Variants in SLC25A53 observed in about 807,000 individuals in gnomAD.
SLC25A53 encodes solute carrier family 25 member 53.
Under a neutral mutation model 15.0 loss-of-function variants are expected in SLC25A53, and 5 were observed. That is an observed-to-expected ratio of 0.33 (90% CI 0.17 to 0.70). SLC25A53 has a LOEUF of 0.70. Among genes scored for constraint, SLC25A53 ranks in the 30% least tolerant of loss-of-function variants. The pLI is 0.67. For synonymous variants in SLC25A53, 95 were observed against 100.0 expected (o/e 0.95, Z 0.30); for missense variants, 216 against 241.6 (o/e 0.89, Z 0.70).
At chrX:104,147,466 A>G (rs1225894628) in intron 1 of SLC25A53, among the ~76,000 whole-genome samples, 1 of 110,015 alleles carries the variant, frequency 9.1e-6, no homozygotes, top group African/African-American at 3.3e-5. Context: ...TAATTTAACT[A>G]AAGAGCTTCT....
At chrX:104,117,510 A>AG (rs1288696376) in intron 1 of SLC25A53, among the ~76,000 whole-genome samples, 1 of 110,700 alleles carries the variant, frequency 9.0e-6, no homozygotes, top group Admixed American at 9.6e-5. Flanking sequence ...GCAGGAGTAA[A>AG]GGTCCAAGAG....
At chrX:104,122,332 CAG>C (rs1262518366) in intron 1 of SLC25A53, among the ~76,000 whole-genome samples, 1 of 78,299 alleles carries the variant, frequency 1.3e-5, no homozygotes, top group East Asian at 4.2e-4. Flanking sequence ...TTTTTTGAGA[CAG>C]AGTCTCGCTC....
intron 1 of SLC25A53, among the ~76,000 whole-genome samples, chrX:104,142,871 A>T: frequency 9.8e-6 from 1 of 102,139 alleles, no homozygotes. Flanking sequence ...CGGTGAGCCG[A>T]GATTGCACCA....
At chrX:104,126,538 T>C (rs1323674984) in intron 1 of SLC25A53, among the ~76,000 whole-genome samples, 1 of 110,484 alleles carries the variant, frequency 9.1e-6, no homozygotes, top group Admixed American at 9.6e-5. Context: ...TCTGTGGTCC[T>C]GGGTACTCAG....
intron 1 of SLC25A53, among the ~76,000 whole-genome samples, chrX:104,124,236 CTTT>C (rs1363800242): frequency 8.9e-6 from 1 of 111,875 alleles, no homozygotes; most frequent in Non-Finnish European, 1.9e-5. Context: ...TGTTTCCTGA[CTTT>C]TTAATGATTG....
At chrX:104,118,178 G>A (rs2075383677) in intron 1 of SLC25A53, among the ~76,000 whole-genome samples, 1 of 112,387 alleles carries the variant, frequency 8.9e-6, no homozygotes, top group African/African-American at 3.2e-5. Context: ...TTTTGTGTTT[G>A]ATACCCTTCA....
At chrX:104,131,268 A>C (rs886663330) in intron 1 of SLC25A53, 2 of 111,801 alleles carry the variant, frequency 1.8e-5, no homozygotes, top group Non-Finnish European at 3.8e-5. Flanking sequence ...GGATTCTTAC[A>C]ACCTATCCTT....
chrX:104,126,376 T>C (rs184474407), intron 1 of SLC25A53, among the ~76,000 whole-genome samples: 18 of 109,228 alleles, frequency 1.6e-4, no homozygotes, highest in African/African-American at 6.0e-4. Context: ...TTAGAAGGCC[T>C]GGCACAGTGG....
At chrX:104,123,845 T>G (rs782321773) in intron 1 of SLC25A53, among the ~76,000 whole-genome samples, 7 of 111,367 alleles carry the variant, frequency 6.3e-5, no homozygotes, top group Admixed American at 9.5e-5. Flanking sequence ...AGTTTGCTGA[T>G]AACAATGGTT....
rs1242729643 is a variant in SLC25A53 at position 104,103,362 on chromosome X, T to C, written c.*972A>G. On this transcript the variant is annotated 3_prime_UTR_variant, in exon 2 of 2. Transcript: ENST00000594199. ...GGAATGTCTGGGGAGAGAACAATAG[T>C]TCATTATGGCTAGTGTTTGGGGTTT... The C allele has an allele frequency of 1.8e-5, 2 of 111,390 alleles. No homozygotes were observed. The highest frequency in any genetic ancestry group is 2.8e-4 in the East Asian group (1 of 3,540). The allele number at this position is 111,390 out of a possible 1,213,427, so 9.2% of individuals were successfully genotyped here. A position where few individuals can be genotyped will look rare whatever the true frequency, so the allele number is the denominator to read the frequency against.
At chrX:104,121,822 C>T (rs903758102) in intron 1 of SLC25A53, among the ~76,000 whole-genome samples, 3 of 84,999 alleles carry the variant, frequency 3.5e-5, no homozygotes, top group Non-Finnish European at 4.5e-5. Flanking sequence ...TCATCCCCCA[C>T]ATTTTGATGA....
intron 1 of SLC25A53, among the ~76,000 whole-genome samples, chrX:104,136,137 C>T (rs1556366400): frequency 9.0e-6 from 1 of 111,487 alleles, no homozygotes; most frequent in African/African-American, 3.3e-5. Flanking sequence ...ATTTATGTTA[C>T]ATATAACACA....
rs1274316875 is a variant in SLC25A53, at chrX:104,099,303, G to C, written c.*5031C>G. ...CAATGCAAAGAAATGATAAATGTTT[G>C]AGCTGATGGATATCCCAATTACCTT... is the stretch of plus-strand genomic sequence containing the variant. On this transcript the variant is annotated 3_prime_UTR_variant, in exon 2 of 2. Coordinates refer to ENST00000594199, the MANE Select transcript of SLC25A53 (RefSeq NM_001012755.5). The C allele has an allele frequency of 1.8e-5, 2 of 112,205 alleles. No homozygotes were observed. Among genetic ancestry groups the C allele is most frequent in the African/African-American group, 6.5e-5 (2 of 30,846 alleles). 9.2% of individuals were successfully genotyped at this position (112,205 alleles called of 1,213,427 possible). A position where few individuals can be genotyped will look rare whatever the true frequency, so the allele number is the denominator to read the frequency against.
intron 1 of SLC25A53, among the ~76,000 whole-genome samples, chrX:104,140,872 C>A (rs1452075677): frequency 9.0e-6 from 1 of 111,314 alleles, no homozygotes; most frequent in Non-Finnish European, 1.9e-5. Flanking sequence ...CAGGAGAAGG[C>A]CACCTTAAGC....
Position 104,104,211 on chromosome X carries a change from T to G in SLC25A53, c.*123A>C. On this transcript the variant is annotated 3_prime_UTR_variant, in exon 2 of 2. Coordinates refer to ENST00000594199, the MANE Select transcript of SLC25A53 (RefSeq NM_001012755.5). ...GGTTGGTAGTTGGGAACTTCTCCCA[T>G]GCAATGAGTTTATAGATGCTAAAGG... 1 of 602,492 alleles carries G rather than the reference T, an allele frequency of 1.7e-6. No homozygotes were observed. Among genetic ancestry groups the G allele is most frequent in the Non-Finnish European group, 2.6e-6 (1 of 387,795 alleles). 49.7% of individuals were successfully genotyped at this position (602,492 alleles called of 1,213,427 possible).
chrX:104,129,326 C>T (rs1478581903), intron 1 of SLC25A53, among the ~76,000 whole-genome samples: 3 of 111,660 alleles, frequency 2.7e-5, no homozygotes, highest in Non-Finnish European at 5.6e-5. Context: ...TAACATTGAA[C>T]TCACAGCAGA....
chrX:104,154,259 AG>A lies in SLC25A53; in HGVS notation c.-32+2618del, dbSNP rs782186114. Among the ~76,000 whole-genome samples, 5 of 112,321 alleles carry A rather than the reference AG, an allele frequency of 4.5e-5. No individual in the cohort carries two copies. In the East Asian group the frequency reaches 1.4e-3, roughly 31 times the overall value. ...AAAATGCTCAACATCACTAATCGCT[AG>A]GGACATGCAAATTAAAATCACAATG... On this transcript the variant is annotated intron_variant, in intron 1 of 1. Coordinates refer to ENST00000594199, the MANE Select transcript of SLC25A53 (RefSeq NM_001012755.5).
chrX:104,142,333 G>C (rs782662254), intron 1 of SLC25A53, among the ~76,000 whole-genome samples: 38 of 112,261 alleles, frequency 3.4e-4, no homozygotes, highest in African/African-American at 1.2e-3. Context: ...CTCACACAAT[G>C]AGACAGAGAT....
chrX:104,127,365 G>A (rs1449092569), intron 1 of SLC25A53, among the ~76,000 whole-genome samples: 3 of 111,876 alleles, frequency 2.7e-5, no homozygotes, highest in Non-Finnish European at 5.6e-5. Context: ...GTATGATTAT[G>A]AAGGGGAAGC....
Sources: gnomAD v4.1 joint callset for allele counts (sites outside exome capture counted in the v4.1 genomes callset) on GRCh38, gnomAD v4.1.1 for gene constraint, MANE v1.5 for transcripts, NCBI Gene and HGNC (gene_info 2026-07-23, HGNC 2026-07-21) for gene names.